Variants in EPHA6 observed in about 807,000 individuals in gnomAD.
EPHA6 encodes the protein EPH receptor A6, also known as ephrin type-A receptor 6.
In EPHA6, 50 loss-of-function variants were observed where a neutral mutation model predicts 112.0. The observed-to-expected ratio is 0.45, with a 90% CI of 0.36 to 0.56. The LOEUF (loss-of-function observed/expected upper bound fraction) is 0.56, where lower values mean the gene tolerates loss of function less well. Among genes scored for constraint, EPHA6 ranks in the 20% least tolerant of loss-of-function variants. The probability of loss-of-function intolerance (pLI) is 0.00; values close to 1 mark genes in which losing one functional copy is unlikely to be tolerated. For synonymous variants in EPHA6, 529 were observed against 490.7 expected, an observed-to-expected ratio of 1.08 and a Z score of -1.03; for missense variants, 1,280 against 1,417.4, an observed-to-expected ratio of 0.90 and a Z score of 1.56.
intron 5 of EPHA6, among the ~76,000 whole-genome samples, chr3:97,343,600 T>C (rs2083410832): frequency 6.6e-6 from 1 of 152,070 alleles, no homozygotes. Context: ...ATAGACTTAA[T>C]TGGCCATCTC....
At chr3:96,839,270 C>T (rs1052283255) in intron 1 of EPHA6, among the ~76,000 whole-genome samples, 4 of 152,000 alleles carry the variant, frequency 2.6e-5, no homozygotes, top group Admixed American at 6.6e-5. Context: ...TGTCACCTCC[C>T]GTTAGATCAG....
chr3:96,913,195 CACACACACACACACACACCA>C (rs1370796824), intron 2 of EPHA6, among the ~76,000 whole-genome samples: 62 of 134,328 alleles, frequency 4.6e-4, no homozygotes, highest in East Asian at 1.9e-3. Context: ...CACACACACA[CACACACACACACACACACCA>C]CACACACGGG....
At chr3:97,592,519 G>A (rs879661140) in intron 11 of EPHA6, 93 bp from the exon 12 acceptor site, 4 of 1,440,850 alleles carry the variant, frequency 2.8e-6, no homozygotes, top group Admixed American at 2.0e-5. Context: ...AAAATTTGAT[G>A]TCTTTGTTGA....
At chr3:97,194,959 A>C (rs1181903571) in intron 3 of EPHA6, among the ~76,000 whole-genome samples, 1 of 151,858 alleles carries the variant, frequency 6.6e-6, no homozygotes, top group Non-Finnish European at 1.5e-5. Flanking sequence ...TTACACGTGA[A>C]GTGTGTTTCT....
intron 6 of EPHA6, among the ~76,000 whole-genome samples, chr3:97,427,239 G>T (rs2089195284): frequency 6.6e-6 from 1 of 152,110 alleles, no homozygotes; most frequent in South Asian, 2.1e-4. Context: ...ACACATGCTT[G>T]CTTATGTTCA....
chr3:96,993,552 CTT>C (rs1449708857), intron 3 of EPHA6, among the ~76,000 whole-genome samples: 1 of 152,064 alleles, frequency 6.6e-6, no homozygotes, highest in African/African-American at 2.4e-5. Flanking sequence ...CTTTCTCACT[CTT>C]TCATTTCCTC....
intron 6 of EPHA6, among the ~76,000 whole-genome samples, chr3:97,424,477 C>T (rs1280643684): frequency 6.6e-6 from 1 of 152,082 alleles, no homozygotes; most frequent in African/African-American, 2.4e-5. Context: ...TGAGACAAGG[C>T]AAGTCCCTTC....
chr3:97,214,536 A>C (rs747387509), intron 3 of EPHA6, among the ~76,000 whole-genome samples: 12 of 151,532 alleles, frequency 7.9e-5, no homozygotes, highest in Non-Finnish European at 1.8e-4. Flanking sequence ...CACTGTATTC[A>C]TATTTAGTTT....
intron 5 of EPHA6, among the ~76,000 whole-genome samples, chr3:97,312,677 G>GT (rs539618275): frequency 3.1e-4 from 47 of 150,256 alleles, no homozygotes; most frequent in East Asian, 1.6e-3. Flanking sequence ...CCTATGCATA[G>GT]TTTTTTTTTA....
chr3:97,429,371 G>A (rs1054195124), intron 6 of EPHA6, among the ~76,000 whole-genome samples: 11 of 151,878 alleles, frequency 7.2e-5, no homozygotes, highest in African/African-American at 2.4e-4. Flanking sequence ...GTGGCAGAGT[G>A]AATCCCTTAA....
At chr3:97,275,949 G>A (rs1010644884) in intron 5 of EPHA6, among the ~76,000 whole-genome samples, 16 of 151,978 alleles carry the variant, frequency 1.1e-4, no homozygotes, top group Non-Finnish European at 1.5e-4. Flanking sequence ...AAAATGTCTC[G>A]ACCTAATAAG....
At chr3:97,009,126 T>C (rs2043989260) in intron 3 of EPHA6, among the ~76,000 whole-genome samples, 1 of 152,060 alleles carries the variant, frequency 6.6e-6, no homozygotes, top group Non-Finnish European at 1.5e-5. Context: ...GTGAAGCACT[T>C]TGTCCCTTGG....
At chr3:97,235,701 C>T (rs1225077388) in intron 4 of EPHA6, among the ~76,000 whole-genome samples, 1 of 152,102 alleles carries the variant, frequency 6.6e-6, no homozygotes, top group Non-Finnish European at 1.5e-5. Flanking sequence ...TAGCCTTTCA[C>T]ATCTACAACC....
intron 14 of EPHA6, among the ~76,000 whole-genome samples, chr3:97,663,734 T>C (rs564999720): frequency 1.0e-3 from 154 of 152,278 alleles, no homozygotes; most frequent in African/African-American, 3.3e-3. Context: ...CAGTCTATCA[T>C]TGCTGGACAT....
At chr3:96,821,222 T>C (rs997556674) in intron 1 of EPHA6, among the ~76,000 whole-genome samples, 7 of 151,962 alleles carry the variant, frequency 4.6e-5, no homozygotes, top group Admixed American at 6.6e-5. Flanking sequence ...CTTTTAATAC[T>C]ACTACATGAA....
At chr3:96,860,106 A>T (rs1390946743) in intron 1 of EPHA6, among the ~76,000 whole-genome samples, 1 of 152,130 alleles carries the variant, frequency 6.6e-6, no homozygotes, top group Non-Finnish European at 1.5e-5. Flanking sequence ...ACAGAGACTT[A>T]AGAAATGTTT....
intron 2 of EPHA6, among the ~76,000 whole-genome samples, chr3:96,873,995 T>C (rs2036796697): frequency 6.6e-6 from 1 of 152,080 alleles, no homozygotes; most frequent in African/African-American, 2.4e-5. Context: ...AACCTACCCA[T>C]GGTTGTGATG....
At chr3:97,559,445 G>A (rs2093158558) in intron 11 of EPHA6, 1 of 306,332 alleles carries the variant, frequency 3.3e-6, no homozygotes. Context: ...AAAAACAGTT[G>A]GGAGCCACTC....
At chr3:96,879,272 T>C (rs2037159993) in intron 2 of EPHA6, among the ~76,000 whole-genome samples, 1 of 152,016 alleles carries the variant, frequency 6.6e-6, no homozygotes, top group South Asian at 2.1e-4. Flanking sequence ...GGATACAAGA[T>C]CAATATATGA....
Sources: gnomAD v4.1 joint callset for allele counts (sites outside exome capture counted in the v4.1 genomes callset) on GRCh38, gnomAD v4.1.1 for gene constraint, MANE v1.5 for transcripts, NCBI Gene and HGNC (gene_info 2026-07-23, HGNC 2026-07-21) for gene names.